The following C10orf71 variants were observed in gnomAD, a reference collection of about 807,000 sequenced individuals.
C10orf71 encodes the protein chromosome 10 open reading frame 71.
For synonymous variants in C10orf71, 758 were observed against 726.3 expected, an observed-to-expected ratio of 1.04 and a Z score of -0.70; for missense variants, 1,869 against 1,804.5, an observed-to-expected ratio of 1.04 and a Z score of -0.65.
chr10:49,322,813 A>G lies in C10orf71; in HGVS notation c.268A>G (p.Thr90Ala). ...GIWSQLPSQG[T>A]EHSGWAATFQ... is the part of the protein sequence containing the mutation. Reference sequence around the variant, plus strand: ...TTGGAGCCAGTTACCGTCACAGGGCACGGAACATTCGGGCTGGGCGGCCAC... The same window carrying G: ...TTGGAGCCAGTTACCGTCACAGGGCGCGGAACATTCGGGCTGGGCGGCCAC... The change falls in exon 3 of 3, where the codon ACG becomes GCG. Residue 90 changes from threonine to alanine, a missense_variant. Coordinates refer to ENST00000374144, the MANE Select transcript of C10orf71 (RefSeq NM_001135196.2). 1 of 1,613,942 alleles carries G rather than the reference A, an allele frequency of 6.2e-7. No individual in the cohort carries two copies. Among genetic ancestry groups the G allele is most frequent in the Non-Finnish European group, 8.5e-7 (1 of 1,179,868 alleles).
chr10:49,312,463 C>A (rs1381685730), intron 1 of C10orf71, among the ~76,000 whole-genome samples: 1 of 152,190 alleles, frequency 6.6e-6, no homozygotes, highest in Non-Finnish European at 1.5e-5. Flanking sequence ...CATCCACTGA[C>A]CCTATAATTT....
At chr10:49,320,903 G>A (rs1009354706) in intron 2 of C10orf71, among the ~76,000 whole-genome samples, 1 of 152,016 alleles carries the variant, frequency 6.6e-6, no homozygotes, top group African/African-American at 2.4e-5. Context: ...TTTTATTGAG[G>A]TATGATTGGC....
intron 1 of C10orf71, among the ~76,000 whole-genome samples, chr10:49,309,345 G>T (rs1848871547): frequency 6.6e-6 from 1 of 152,116 alleles, no homozygotes; most frequent in Non-Finnish European, 1.5e-5. Context: ...AAAAGGGCTT[G>T]CTAATACATG....
rs111281265 is a variant in C10orf71, at chr10:49,322,403, GAA to G, written c.-133_-132del. The G allele has an allele frequency of 9.9e-5, 85 of 855,360 alleles. No individual in the cohort carries two copies. The highest frequency in any genetic ancestry group is 4.1e-4 in the Middle Eastern group (1 of 2,442). The allele number at this position is 855,360 out of a possible 1,614,324, so 53.0% of individuals were successfully genotyped here. ...GCCCTGCACCTTTTTCTTTTGCAGA[GAA>G]AAAAAAAAATCCCCACTTTGCAATT... On this transcript the variant is annotated splice_region_variant and 5_prime_UTR_variant, in exon 3 of 3. Transcript: ENST00000374144.
chr10:49,308,957 A>C (rs1330766486), intron 1 of C10orf71, among the ~76,000 whole-genome samples: 2 of 152,262 alleles, frequency 1.3e-5, no homozygotes, highest in African/African-American at 2.4e-5. Context: ...GGCCCTGCTC[A>C]GCACTCCCAG....
At chr10:49,307,660 G>A (rs925522108) in intron 1 of C10orf71, among the ~76,000 whole-genome samples, 2 of 152,222 alleles carry the variant, frequency 1.3e-5, no homozygotes, top group African/African-American at 2.4e-5. Flanking sequence ...AACTCTGCCT[G>A]GGATATCAGG....
rs1189910761 is a variant in C10orf71 at position 49,325,746 on chromosome 10, C to T, written c.3201C>T (p.Ala1067=). ...PNPGSPGESS[A]CSPAASNIWE... ...CCGGCTCCCCCGGGGAGAGCAGTGC[C>T]TGCTCCCCTGCTGCCAGCAACATTT... The change falls in exon 3 of 3, where the codon GCC becomes GCT. Residue 1067 remains alanine, a synonymous_variant. Transcript: ENST00000374144. 1.3e-6 allele frequency: 2 copies of T among 1,551,362 alleles called. No individual in the cohort carries two copies. The highest frequency in any genetic ancestry group is 2.0e-5 in the Admixed American group (1 of 50,972).
rs1340275300 is a variant in C10orf71, at chr10:49,323,276, C to T, written c.731C>T (p.Thr244Ile). The T allele has an allele frequency of 6.2e-7, 1 of 1,613,746 alleles. No individual in the cohort carries two copies. The highest frequency in any genetic ancestry group is 1.3e-5 in the African/African-American group (1 of 74,916). Residue 244 changes from threonine (T) to isoleucine (I), a missense_variant, in exon 3 of 3, where the codon ACC becomes ATC. Physicochemically the swap from Thr to Ile is moderately conservative, Grantham distance 89. Transcript: ENST00000374144. Reference sequence around the variant, plus strand: ...CTCCCAGCAGCCAATGACACGGCCACCTTATGTGAGTCAAAGTTCCCCTCT... The same window carrying T: ...CTCCCAGCAGCCAATGACACGGCCATCTTATGTGAGTCAAAGTTCCCCTCT... ...SFLPAANDTATLCESKFPSPH... is the reference protein window; with the variant it reads ...SFLPAANDTAILCESKFPSPH...
chr10:49,298,800 G>T (rs1848676460), upstream of C10orf71: 1 of 152,164 alleles, frequency 6.6e-6, no homozygotes, highest in Admixed American at 6.5e-5. Context: ...GCAGAGGACG[G>T]CTCCTTACTC....
At chr10:49,298,831 G>C (rs111737944), upstream of C10orf71, 8 of 152,138 alleles carry the variant, frequency 5.3e-5, no homozygotes, top group East Asian at 3.9e-4. Context: ...GGCGGCGGTC[G>C]TCCAGAGCCG....
intron 1 of C10orf71, among the ~76,000 whole-genome samples, chr10:49,300,553 A>G (rs1384766282): frequency 5.3e-5 from 8 of 151,218 alleles, no homozygotes; most frequent in Admixed American, 3.9e-4. Flanking sequence ...CTGGCTCCTG[A>G]GCCTCCTGCA....
intron 1 of C10orf71, among the ~76,000 whole-genome samples, chr10:49,309,256 G>A (rs1848869705): frequency 2.6e-5 from 4 of 152,302 alleles, no homozygotes; most frequent in African/African-American, 7.2e-5. Flanking sequence ...GGTATTAGGA[G>A]ATGGGGCCTA....
Position 49,325,584 on chromosome 10 carries a change from C to G in C10orf71, c.3039C>G (p.Asp1013Glu). 1 of 1,550,886 alleles carries G rather than the reference C, an allele frequency of 6.4e-7. No individual in the cohort carries two copies. The highest frequency in any genetic ancestry group is 8.7e-7 in the Non-Finnish European group (1 of 1,146,164). Residue 1013 changes from aspartate (D) to glutamate (E), a missense_variant, in exon 3 of 3, where the codon GAC (aspartate) becomes GAG (glutamate). By Grantham distance (45) the Asp-to-Glu change is conservative (BLOSUM62 2). Transcript: ENST00000374144. ...CTTTACCCGAGGGTGACATAGAAGA[C>G]CAGCCACCCCCATGGCAGCCCGAAA... Reference protein sequence around the residue: ...TIALPEGDIEDQPPPWQPENC... With the variant: ...TIALPEGDIEEQPPPWQPENC...
chr10:49,306,794 G>A (rs1041039838), intron 1 of C10orf71, among the ~76,000 whole-genome samples: 11 of 152,230 alleles, frequency 7.2e-5, no homozygotes, highest in African/African-American at 2.4e-4. Context: ...AGGGCACAGA[G>A]CAGCACGAGG....
chr10:49,300,821 G>A (rs1465613174), intron 1 of C10orf71, among the ~76,000 whole-genome samples: 1 of 152,198 alleles, frequency 6.6e-6, no homozygotes, highest in Admixed American at 6.5e-5. Context: ...AGCTCACTGG[G>A]AAGGGAACAA....
intron 1 of C10orf71, among the ~76,000 whole-genome samples, chr10:49,305,986 A>G (rs1848806253): frequency 6.6e-6 from 1 of 152,246 alleles, no homozygotes; most frequent in African/African-American, 2.4e-5. Context: ...TCCATGATAC[A>G]TATGTCTCCA....
Position 49,322,671 on chromosome 10 carries a change from C to T in C10orf71, c.126C>T (p.Ile42=), listed in dbSNP as rs1564689431. The T allele has an allele frequency of 1.9e-6, 3 of 1,613,712 alleles. No individual in the cohort carries two copies. The Admixed American group carries it at 5.0e-5, about 27-fold the overall frequency. ...LTDRAFRSLC[I]SEDTSFHDSY... The stretch of plus-strand genomic sequence containing the variant: ...ACCGGGCATTCCGGAGTTTGTGCAT[C>T]TCCGAGGACACATCCTTCCATGACT... The change falls in exon 3 of 3, where the codon ATC becomes ATT. Residue 42 remains isoleucine (I), a synonymous_variant. Transcript: ENST00000374144.
Position 49,324,097 on chromosome 10 carries a change from C to CCT in C10orf71, c.1557_1558dup (p.Leu520SerfsTer2). 6.2e-7 allele frequency: 1 copy of CCT among 1,613,942 alleles called. No individual in the cohort carries two copies. The highest frequency in any genetic ancestry group is 8.5e-7 in the Non-Finnish European group (1 of 1,179,884). Reference sequence around the variant, plus strand: ...TGTTAAGAGCACATACAGTTCCTCACCTCTCTTGAAAGTGCTTGATGAGAA... The same window carrying CCT: ...TGTTAAGAGCACATACAGTTCCTCACCTCTCTCTTGAAAGTGCTTGATGAGAA... On this transcript the variant is annotated frameshift_variant, in exon 3 of 3. Transcript: ENST00000374144. LOFTEE classifies it low-confidence loss of function (END_TRUNC).
intron 2 of C10orf71, among the ~76,000 whole-genome samples, chr10:49,319,709 T>C (rs11101089): frequency 3.5e-5 from 1 of 28,268 alleles, no homozygotes; most frequent in African/African-American, 8.7e-5. Flanking sequence ...TATATATATA[T>C]ATATATATAT....
Sources: gnomAD v4.1 joint callset for allele counts (sites outside exome capture counted in the v4.1 genomes callset) on GRCh38, gnomAD v4.1.1 for gene constraint, MANE v1.5 for transcripts, NCBI Gene and HGNC (gene_info 2026-07-23, HGNC 2026-07-21) for gene names.